PDE1C: variants seen among roughly 807,000 people sequenced by gnomAD.
The protein encoded by PDE1C is phosphodiesterase 1C.
In PDE1C, 62 loss-of-function variants were observed where a neutral mutation model predicts 93.1. The observed-to-expected ratio is 0.67, with a 90% CI of 0.54 to 0.82. The LOEUF (loss-of-function observed/expected upper bound fraction) is 0.82, where lower values mean the gene tolerates loss of function less well. Ranked by LOEUF, PDE1C falls within the 40% of genes least tolerant of loss-of-function variation. The pLI, the probability that PDE1C is intolerant of heterozygous loss-of-function variation, is 0.00. For synonymous variants in PDE1C, 325 were observed against 310.1 expected, an observed-to-expected ratio of 1.05 and a Z score of -0.50; for missense variants, 742 against 884.6, an observed-to-expected ratio of 0.84 and a Z score of 2.04.
At chr7:31,889,232 A>T (rs1456108695) in intron 2 of PDE1C, among the ~76,000 whole-genome samples, 1 of 152,226 alleles carries the variant, frequency 6.6e-6, no homozygotes, top group Admixed American at 6.5e-5. Context: ...ACATATCAAG[A>T]CTTATTATAA....
chr7:31,877,314 C>A (rs765256133), intron 5 of PDE1C, among the ~76,000 whole-genome samples: 71 of 152,132 alleles, frequency 4.7e-4, no homozygotes, highest in Non-Finnish European at 4.7e-4. Context: ...CAAGAACTTG[C>A]CTGACTAGAG....
At chr7:31,987,911 C>T (rs1783627424) in intron 2 of PDE1C, among the ~76,000 whole-genome samples, 2 of 152,226 alleles carry the variant, frequency 1.3e-5, no homozygotes. Context: ...CTGTTCTCCA[C>T]CCTTCTCTGT....
chr7:32,422,977 A>G (rs1186950588), intron 1 of PDE1C, among the ~76,000 whole-genome samples: 1 of 152,150 alleles, frequency 6.6e-6, no homozygotes, highest in Non-Finnish European at 1.5e-5. Context: ...CAATACACCC[A>G]ATATCTACTC....
intron 2 of PDE1C, 95 bp from the exon 3 acceptor site, chr7:31,880,955 T>A: frequency 1.3e-6 from 1 of 780,438 alleles, no homozygotes; most frequent in South Asian, 1.5e-5. Context: ...TCGAATATTC[T>A]CACTTATTCT....
chr7:31,766,945 T>C (rs949422610), intron 17 of PDE1C, among the ~76,000 whole-genome samples: 1 of 152,248 alleles, frequency 6.6e-6, no homozygotes, highest in African/African-American at 2.4e-5. Context: ...ACCTAATGTA[T>C]GGCAAAAGTT....
At chr7:32,104,833 T>C (rs1251145392) in intron 3 of PDE1C, among the ~76,000 whole-genome samples, 2 of 152,196 alleles carry the variant, frequency 1.3e-5, no homozygotes, top group East Asian at 3.8e-4. Context: ...ACCATGCAAT[T>C]TATACTGGTC....
At chr7:32,366,250 A>T (rs544850001) in intron 1 of PDE1C, among the ~76,000 whole-genome samples, 5 of 152,300 alleles carry the variant, frequency 3.3e-5, no homozygotes, top group African/African-American at 1.2e-4. Context: ...AAAAGAACCA[A>T]ACAGAAATCT....
rs540227173 is a variant in PDE1C, at chr7:32,082,363, C to T, written c.308+87422G>A. Among the ~76,000 whole-genome samples, 564 of 152,352 alleles carry T rather than the reference C, an allele frequency of 3.7e-3. 1 individual carries two copies. Among genetic ancestry groups the T allele is most frequent in the African/African-American group, 0.013 (536 of 41,588 alleles). ...TTAGGTAAACAAAGCAGCCGGGAAG[C>T]TCGAACTGGGTGGAGCCCACCACAG... On this transcript the variant is annotated intron_variant, in intron 3 of 18. Transcript: ENST00000396193.
chr7:31,847,846 A>G lies in PDE1C; in HGVS notation c.980+122T>C, dbSNP rs989518373. On this transcript the variant is annotated intron_variant, in intron 9 of 17. Transcript: ENST00000396191. ...GAGGGTGAGAGTGAGAGAAAGAAAG[A>G]GAGAGAAAGCAACACGAATCAACAT... 1.3e-5 allele frequency: 13 copies of G among 1,015,006 alleles called. No homozygotes were observed. The African/African-American group carries it at 2.1e-4, about 16-fold the overall frequency. 62.9% of individuals were successfully genotyped at this position (1,015,006 alleles called of 1,614,324 possible). A position where few individuals can be genotyped will look rare whatever the true frequency, so the allele number is the denominator to read the frequency against.
At chr7:31,793,223 T>C (rs551463622) in intron 16 of PDE1C, among the ~76,000 whole-genome samples, 5 of 152,076 alleles carry the variant, frequency 3.3e-5, no homozygotes, top group Non-Finnish European at 7.4e-5. Context: ...TAGAAGAAGA[T>C]TGAAGTTCAA....
intron 7 of PDE1C, among the ~76,000 whole-genome samples, chr7:31,856,998 T>G (rs73306511): frequency 3.3e-4 from 50 of 152,260 alleles, no homozygotes; most frequent in African/African-American, 1.1e-3. Context: ...AGTGCATGTC[T>G]GTGTTCTAAT....
intron 3 of PDE1C, among the ~76,000 whole-genome samples, chr7:32,076,565 C>A (rs1796364668): frequency 6.6e-6 from 1 of 150,866 alleles, no homozygotes; most frequent in Admixed American, 6.6e-5. Context: ...ATTGCTTGAA[C>A]CTGGGAGGCG....
chr7:32,333,827 C>T (rs1783559584), intron 1 of PDE1C, among the ~76,000 whole-genome samples: 1 of 152,162 alleles, frequency 6.6e-6, no homozygotes, highest in African/African-American at 2.4e-5. Context: ...GCAGTTTTAC[C>T]CATTTTAACA....
chr7:32,265,179 C>T (rs1012441126), intron 1 of PDE1C, among the ~76,000 whole-genome samples: 1 of 152,316 alleles, frequency 6.6e-6, no homozygotes, highest in African/African-American at 2.4e-5. Flanking sequence ...GTCTCACTAC[C>T]CCTTAGCCCA....
chr7:31,782,000 T>C (rs1562780110), intron 16 of PDE1C, among the ~76,000 whole-genome samples: 1 of 152,146 alleles, frequency 6.6e-6, no homozygotes, highest in Non-Finnish European at 1.5e-5. Context: ...GACCCAGTAA[T>C]TGTATATCTG....
At chr7:31,686,336 T>C in the PDE1C span, among the ~76,000 whole-genome samples, 2 of 152,196 alleles carry the variant, frequency 1.3e-5, no homozygotes, top group South Asian at 4.2e-4. Context: ...AGAACCTTCC[T>C]CTCCAAAAGA....
chr7:31,621,076 G>C, the PDE1C span, among the ~76,000 whole-genome samples: 2 of 151,786 alleles, frequency 1.3e-5, no homozygotes, highest in African/African-American at 2.4e-5. Context: ...AAAAAGAAAT[G>C]AGCAAAGCCT....
At chr7:31,962,035 T>C (rs971306219) in intron 2 of PDE1C, among the ~76,000 whole-genome samples, 4 of 152,226 alleles carry the variant, frequency 2.6e-5, no homozygotes, top group Non-Finnish European at 5.9e-5. Flanking sequence ...ACTGATGGTA[T>C]ACTGTTATCT....
Position 32,382,973 on chromosome 7 carries a change from C to T in PDE1C, c.310+44849G>A, listed in dbSNP as rs188993583. On this transcript the variant is annotated intron_variant, in intron 1 of 1. Coordinates refer to the PDE1C transcript ENST00000672256. ...TCTGAAACACATCTCCCCAATTGAG[C>T]GTTACATTCAAATACATACACACAC... Among the ~76,000 whole-genome samples the T allele has an allele frequency of 4.6e-5, 7 of 152,252 alleles. No homozygotes were observed. In the East Asian group the frequency reaches 1.4e-3, roughly 29 times the overall value.
Sources: allele counts gnomAD v4.1 joint callset (sites outside exome capture counted in the v4.1 genomes callset), GRCh38; gene constraint gnomAD v4.1.1; transcripts MANE v1.5; gene names NCBI Gene and HGNC (gene_info 2026-07-23, HGNC 2026-07-21).